The following ATP6V1E1 variants were observed in gnomAD, a reference collection of about 807,000 sequenced individuals.
ATP6V1E1 encodes the protein ATPase H+ transporting V1 subunit E1.
Under a neutral mutation model 35.2 loss-of-function variants are expected in ATP6V1E1, and 21 were observed. The observed-to-expected ratio is 0.60, with a 90% CI of 0.42 to 0.86. The LOEUF (loss-of-function observed/expected upper bound fraction) is 0.86, where lower values mean the gene tolerates loss of function less well. Ranked by LOEUF, ATP6V1E1 falls within the 40% of genes least tolerant of loss-of-function variation. The pLI is 0.00. For missense variants in ATP6V1E1, 183 were observed against 272.6 expected (o/e 0.67, Z 2.32); for synonymous variants, 83 against 87.8 (o/e 0.95, Z 0.30).
intron 1 of ATP6V1E1, among the ~76,000 whole-genome samples, chr22:17,622,960 C>T (rs1166298031): frequency 2.0e-5 from 3 of 152,012 alleles, no homozygotes; most frequent in Non-Finnish European, 4.4e-5. Flanking sequence ...GAGCGAAACT[C>T]CGTCTCAAAA....
chr22:17,607,470 C>T lies in ATP6V1E1; in HGVS notation c.276+5342G>A, dbSNP rs184911217. ...TAATCTTCATTCCATCTACCAGTTG[C>T]CTAGACTACAAACTCTTATGTCATT... On this transcript the variant is annotated intron_variant, in intron 4 of 8. Coordinates refer to ENST00000253413, the MANE Select transcript of ATP6V1E1 (RefSeq NM_001696.4). Among the ~76,000 whole-genome samples, 306 of 152,246 alleles carry T rather than the reference C, an allele frequency of 2.0e-3. 1 individual carries two copies. The highest frequency in any genetic ancestry group is 5.4e-3 in the South Asian group (26 of 4,828).
At chr22:17,611,749 T>C (rs1416557178) in intron 4 of ATP6V1E1, among the ~76,000 whole-genome samples, 1 of 152,224 alleles carries the variant, frequency 6.6e-6, no homozygotes, top group Non-Finnish European at 1.5e-5. Flanking sequence ...TCAATGAATG[T>C]CTGGAAAGTC....
intron 1 of ATP6V1E1, among the ~76,000 whole-genome samples, chr22:17,620,301 C>CTA (rs2057869270): frequency 6.6e-6 from 1 of 151,912 alleles, no homozygotes; most frequent in South Asian, 2.1e-4. Context: ...GCGCCCGCCA[C>CTA]CATGCCTGGC....
chr22:17,608,601 A>C (rs5747265), intron 4 of ATP6V1E1, among the ~76,000 whole-genome samples: 52,593 of 151,400 alleles, frequency 0.35, 9,390 homozygotes, highest in African/African-American at 0.41. Flanking sequence ...AATTTTTAAA[A>C]ATTTTTTGTA....
chr22:17,624,577 G>A (rs1460736865), intron 1 of ATP6V1E1, among the ~76,000 whole-genome samples: 5 of 150,954 alleles, frequency 3.3e-5, no homozygotes, highest in Non-Finnish European at 5.9e-5. Flanking sequence ...TAACTCATGC[G>A]CAGTGGCTCA....
At chr22:17,624,720 C>T (rs564124050) in intron 1 of ATP6V1E1, among the ~76,000 whole-genome samples, 1 of 152,072 alleles carries the variant, frequency 6.6e-6, no homozygotes, top group South Asian at 2.1e-4. Flanking sequence ...ACTGGAGAGG[C>T]TGAGACAGGA....
intron 2 of ATP6V1E1, among the ~76,000 whole-genome samples, chr22:17,614,587 G>A (rs1303666814): frequency 6.6e-6 from 1 of 151,500 alleles, no homozygotes; most frequent in Non-Finnish European, 1.5e-5. Flanking sequence ...TAGGAGAAAT[G>A]CTTGAACCCA....
intron 1 of ATP6V1E1, among the ~76,000 whole-genome samples, chr22:17,626,325 A>AAAAAAAAAAAAG (rs1555864859): frequency 2.7e-4 from 33 of 122,898 alleles, no homozygotes; most frequent in Non-Finnish European, 4.0e-4. Flanking sequence ...AAAAAAAAAA[A>AAAAAAAAAAAAG]AAAGAAAGAA....
chr22:17,608,475 G>A (rs768852878), intron 4 of ATP6V1E1, among the ~76,000 whole-genome samples: 3 of 152,052 alleles, frequency 2.0e-5, no homozygotes, highest in African/African-American at 7.2e-5. Context: ...ATTTATGCTG[G>A]AATGCAGTGG....
At position 17,594,517 on chromosome 22, in the gene ATP6V1E1, C is replaced by T; in HGVS notation, c.618+12G>A. Reference sequence around the variant, plus strand: ...CAGCAGACCAACTACCAAGAAGTACCCCCACACTCACCTGCTGGGCTATGA... The same window carrying T: ...CAGCAGACCAACTACCAAGAAGTACTCCCACACTCACCTGCTGGGCTATGA... On this transcript the variant is annotated intron_variant, in intron 8 of 8. Coordinates refer to ENST00000253413, the MANE Select transcript of ATP6V1E1 (RefSeq NM_001696.4). 6.4e-7 allele frequency: 1 copy of T among 1,557,174 alleles called. No individual in the cohort carries two copies. The highest frequency in any genetic ancestry group is 8.7e-7 in the Non-Finnish European group (1 of 1,151,372).
chr22:17,613,816 A>G (rs2057827849), intron 2 of ATP6V1E1, among the ~76,000 whole-genome samples: 1 of 151,984 alleles, frequency 6.6e-6, no homozygotes, highest in Non-Finnish European at 1.5e-5. Flanking sequence ...AAATACAAAA[A>G]ATTAGCCAGG....
At chr22:17,607,715 G>A (rs2057793436) in intron 4 of ATP6V1E1, among the ~76,000 whole-genome samples, 1 of 152,102 alleles carries the variant, frequency 6.6e-6, no homozygotes, top group Non-Finnish European at 1.5e-5. Flanking sequence ...ATTTCTCAAA[G>A]TGTGGTTCTC....
chr22:17,612,824 A>C lies in ATP6V1E1; in HGVS notation c.264T>G (p.Asp88Glu), dbSNP rs2057821923. 2 of 1,604,782 alleles carry C rather than the reference A, an allele frequency of 1.2e-6. No homozygotes were observed. Among genetic ancestry groups the C allele is most frequent in the South Asian group, 2.2e-5 (2 of 88,890 alleles). ...GCTAATTACTCACTGTGATAAGGTC[A>C]TCTCTTGCTCTGAGGACTTTGAGTC... Reference protein sequence around the residue: ...QARLKVLRARDDLITDLLNEA... With the variant: ...QARLKVLRAREDLITDLLNEA... The change falls in exon 4 of 9, where the codon GAT becomes GAG. Residue 88 changes from aspartate (D) to glutamate (E), a missense_variant. Transcript: ENST00000253413.
chr22:17,599,180 A>C (rs2057748570), intron 6 of ATP6V1E1, among the ~76,000 whole-genome samples: 1 of 152,114 alleles, frequency 6.6e-6, no homozygotes, highest in African/African-American at 2.4e-5. Flanking sequence ...GAAAATGGAA[A>C]AGTTCTGAAG....
intron 1 of ATP6V1E1, among the ~76,000 whole-genome samples, chr22:17,621,477 G>A (rs1450014496): frequency 2.0e-5 from 3 of 152,056 alleles, no homozygotes; most frequent in East Asian, 3.9e-4. Context: ...TGTATTTTTT[G>A]TAGAGAGGGG....
At chr22:17,615,174 G>C (rs1278190220) in intron 2 of ATP6V1E1, among the ~76,000 whole-genome samples, 1 of 151,624 alleles carries the variant, frequency 6.6e-6, no homozygotes, top group Non-Finnish European at 1.5e-5. Flanking sequence ...GGTGGCGGGC[G>C]CCTGTAGTTC....
intron 1 of ATP6V1E1, 95 bp downstream of exon 1, chr22:17,628,508 G>A (rs1038714518): frequency 3.9e-6 from 6 of 1,540,600 alleles, no homozygotes; most frequent in Non-Finnish European, 5.4e-6. Context: ...TGCGGCATCT[G>A]GGCGGCTCAA....
At chr22:17,603,138 C>T (rs538576960) in intron 4 of ATP6V1E1, among the ~76,000 whole-genome samples, 93 of 152,104 alleles carry the variant, frequency 6.1e-4, no homozygotes, top group African/African-American at 2.0e-3. Flanking sequence ...TTAGTAGAGA[C>T]GGAGTTTCAC....
At chr22:17,601,609 T>C (rs533470413) in intron 4 of ATP6V1E1, among the ~76,000 whole-genome samples, 1 of 152,272 alleles carries the variant, frequency 6.6e-6, no homozygotes, top group South Asian at 2.1e-4. Context: ...AATTTCAATT[T>C]TGTTTGTTTG....
Sources: gnomAD v4.1 joint callset for allele counts (sites outside exome capture counted in the v4.1 genomes callset) on GRCh38, gnomAD v4.1.1 for gene constraint, MANE v1.5 for transcripts, NCBI Gene and HGNC (gene_info 2026-07-23, HGNC 2026-07-21) for gene names.